PSMD12: variants seen among roughly 807,000 people sequenced by gnomAD.
PSMD12 encodes 26S proteasome non-ATPase regulatory subunit 12.
In PSMD12, 8 loss-of-function variants were observed where a neutral mutation model predicts 62.9. The observed-to-expected ratio is 0.13, with a 90% CI of 0.07 to 0.23. PSMD12 has a LOEUF of 0.23. PSMD12 is among the 10% of genes least tolerant of loss of function. The pLI is 1.00. For missense variants in PSMD12, 424 were observed against 550.2 expected, an observed-to-expected ratio of 0.77 and a Z score of 2.29; for synonymous variants, 173 against 187.4, an observed-to-expected ratio of 0.92 and a Z score of 0.63.
At chr17:67,346,290 G>C (rs2041965394) in intron 7 of PSMD12, among the ~76,000 whole-genome samples, 1 of 152,042 alleles carries the variant, frequency 6.6e-6, no homozygotes, top group African/African-American at 2.4e-5. Context: ...AGATACTCGG[G>C]AGGCTGAGGC....
chr17:67,362,695 A>AC (rs61269917), intron 1 of PSMD12: 35,139 of 149,938 alleles, frequency 0.23, 4,378 homozygotes, highest in Middle Eastern at 0.31. Context: ...CCAAAAAAAA[A>AC]ACAAAAAAAC....
intron 1 of PSMD12, among the ~76,000 whole-genome samples, chr17:67,362,625 G>A (rs2042142468): frequency 6.9e-6 from 1 of 143,964 alleles, no homozygotes; most frequent in Non-Finnish European, 1.5e-5. Context: ...TCGCGCCACT[G>A]CACTCCAGCC....
rs2041989058 is a variant in PSMD12 at position 67,348,526 on chromosome 17, C to G, written c.510+24G>C. On this transcript the variant is annotated intron_variant, in intron 5 of 10. Coordinates refer to ENST00000356126, the MANE Select transcript of PSMD12 (RefSeq NM_002816.5). ...TGCTGCTGACAAAACAAAGTTTTAC[C>G]AACTCTAAAATGCAATACCTTACCT... 6 of 1,579,284 alleles carry G rather than the reference C, an allele frequency of 3.8e-6. No individual in the cohort carries two copies. In the African/African-American group the frequency reaches 5.4e-5, roughly 14 times the overall value.
At chr17:67,342,999 C>G (rs546276645) in intron 9 of PSMD12, among the ~76,000 whole-genome samples, 1 of 151,652 alleles carries the variant, frequency 6.6e-6, no homozygotes, top group South Asian at 2.1e-4. Context: ...ACCATTATTC[C>G]AATGACTTAA....
chr17:67,349,916 C>T (rs2042001897), intron 4 of PSMD12, among the ~76,000 whole-genome samples: 1 of 152,114 alleles, frequency 6.6e-6, no homozygotes, highest in South Asian at 2.1e-4. Context: ...TCCTCTATGT[C>T]TAAAATGCTC....
At chr17:67,357,636 C>T in intron 1 of PSMD12, 58 bp from the exon 2 acceptor site, 2 of 1,525,510 alleles carry the variant, frequency 1.3e-6, no homozygotes, top group Non-Finnish European at 1.8e-6. Flanking sequence ...AATAACTAGT[C>T]TAAAATGAAA....
intron 10 of PSMD12, among the ~76,000 whole-genome samples, chr17:67,341,448 C>T (rs560280455): frequency 6.1e-4 from 69 of 113,962 alleles, no homozygotes; most frequent in Admixed American, 1.7e-3. Flanking sequence ...CCCACCTGGG[C>T]GACAAGGTGA....
At chr17:67,366,338 CCT>C in intron 1 of PSMD12, 72 bp downstream of exon 1, 2 of 1,417,150 alleles carry the variant, frequency 1.4e-6, no homozygotes, top group South Asian at 2.5e-5. Flanking sequence ...CCGCAGGCCC[CCT>C]GAGGCCTAAG....
intron 4 of PSMD12, among the ~76,000 whole-genome samples, chr17:67,349,959 T>C (rs1028601253): frequency 6.6e-6 from 1 of 152,210 alleles, no homozygotes; most frequent in Non-Finnish European, 1.5e-5. Context: ...AGAATTTTTA[T>C]TCATTTTTTT....
intron 7 of PSMD12, among the ~76,000 whole-genome samples, chr17:67,346,221 T>C (rs185812077): frequency 5.9e-5 from 9 of 152,172 alleles, no homozygotes; most frequent in African/African-American, 1.9e-4. Flanking sequence ...GGTGAAACCC[T>C]GTCTCTACTA....
chr17:67,353,288 C>T (rs934403350), intron 3 of PSMD12, among the ~76,000 whole-genome samples: 6 of 151,948 alleles, frequency 3.9e-5, no homozygotes, highest in Non-Finnish European at 7.4e-5. Flanking sequence ...TTCCTTCCTT[C>T]CTTTCCTTCC....
chr17:67,358,582 A>AAAG (rs1555642165), intron 1 of PSMD12, among the ~76,000 whole-genome samples: 64 of 150,242 alleles, frequency 4.3e-4, no homozygotes, highest in African/African-American at 1.5e-3. Flanking sequence ...AAAAAAAAAA[A>AAAG]AAAAGAAAAG....
intron 3 of PSMD12, among the ~76,000 whole-genome samples, chr17:67,356,928 T>C (rs941619755): frequency 1.3e-5 from 2 of 152,036 alleles, no homozygotes; most frequent in African/African-American, 4.8e-5. Flanking sequence ...GAAGACTGCT[T>C]GAGCCCAGGA....
At chr17:67,350,358 A>AT (rs2042006074) in intron 3 of PSMD12, 22 bp from the exon 4 acceptor site, 1 of 1,513,582 alleles carries the variant, frequency 6.6e-7, no homozygotes, top group Non-Finnish European at 9.0e-7. Flanking sequence ...AAAACCATTC[A>AT]TAAGTAAAAT....
chr17:67,360,610 C>T (rs542042545), intron 1 of PSMD12, among the ~76,000 whole-genome samples: 1 of 152,230 alleles, frequency 6.6e-6, no homozygotes, highest in African/African-American at 2.4e-5. Flanking sequence ...ACACCAAGCA[C>T]ATGCCACTGC....
Position 67,338,023 on chromosome 17 carries a change from T to C in PSMD12, c.*2820A>G, listed in dbSNP as rs1274614315. On this transcript the variant is annotated 3_prime_UTR_variant, in exon 11 of 11. Transcript: ENST00000356126. ...GCTGAAAACAATTTAAAATATGTAC[T>C]TTTATCACATTTAACACTTACAAGA... The C allele has an allele frequency of 6.6e-6, 1 of 152,212 alleles. No homozygotes were observed. Among genetic ancestry groups the C allele is most frequent in the Non-Finnish European group, 1.5e-5 (1 of 68,036 alleles). The allele number at this position is 152,212 out of a possible 1,614,324, so 9.4% of individuals were successfully genotyped here.
intron 1 of PSMD12, chr17:67,362,686 CA>C (rs1228261062): frequency 4.6e-5 from 6 of 130,936 alleles, no homozygotes; most frequent in Admixed American, 7.7e-5. Context: ...AAAAAAAACC[CA>C]AAAAAAAAAC....
chr17:67,349,674 A>G (rs940110758), intron 4 of PSMD12, among the ~76,000 whole-genome samples: 1 of 152,216 alleles, frequency 6.6e-6, no homozygotes, highest in African/African-American at 2.4e-5. Context: ...AAAAATATCT[A>G]ATTTTGCTAG....
chr17:67,345,391 C>T (rs1302559806), intron 8 of PSMD12, among the ~76,000 whole-genome samples: 1 of 152,286 alleles, frequency 6.6e-6, no homozygotes, highest in East Asian at 1.9e-4. Context: ...CCTGTAATCC[C>T]AGCACTTTGG....
Sources: gnomAD v4.1 joint callset for allele counts (sites outside exome capture counted in the v4.1 genomes callset) on GRCh38, gnomAD v4.1.1 for gene constraint, MANE v1.5 for transcripts, NCBI Gene and HGNC (gene_info 2026-07-23, HGNC 2026-07-21) for gene names.